The following JAKMIP2 variants were observed in gnomAD, a reference collection of about 807,000 sequenced individuals.
JAKMIP2 encodes the protein janus kinase and microtubule-interacting protein 2.
JAKMIP2 carries 25 observed loss-of-function variants against 115.0 expected under a neutral mutation model. The observed-to-expected ratio is 0.22, with a 90% CI of 0.16 to 0.30. The LOEUF (loss-of-function observed/expected upper bound fraction) is 0.30, where lower values mean the gene tolerates loss of function less well. Ranked by LOEUF, JAKMIP2 falls within the 10% of genes least tolerant of loss-of-function variation. JAKMIP2 has a pLI of 1.00. For missense variants in JAKMIP2, 642 were observed against 957.6 expected (o/e 0.67, Z 4.35); for synonymous variants, 334 against 343.6 (o/e 0.97, Z 0.31).
chr5:147,714,690 T>C (rs1752903524), intron 1 of JAKMIP2, among the ~76,000 whole-genome samples: 1 of 152,136 alleles, frequency 6.6e-6, no homozygotes, highest in African/African-American at 2.4e-5. Context: ...GAAAAATAGA[T>C]GACTGGCCTA....
At chr5:147,667,243 C>T (rs1343350934) in intron 2 of JAKMIP2, among the ~76,000 whole-genome samples, 2 of 151,986 alleles carry the variant, frequency 1.3e-5, no homozygotes, top group Non-Finnish European at 2.9e-5. Flanking sequence ...ATCCTTTCTA[C>T]CCTAGAGGTT....
chr5:147,644,165 T>A lies in JAKMIP2; in HGVS notation c.1117A>T (p.Lys373Ter). ...EKITSHPPLK[K>*]LKSLNDLDQA... ...TCGAGGTCATTCAGAGATTTTAATT[T>A]CTTCAGGGGTGGATGGGATGTTATT... Residue 373 changes from lysine (K) to a stop codon, truncating the protein, a stop_gained, in exon 7 of 22, where the codon AAA (lysine) becomes TAA (stop). Transcript: ENST00000616793. LOFTEE classifies it high-confidence loss of function. 6.2e-7 allele frequency: 1 copy of A among 1,600,006 alleles called. No homozygotes were observed. The highest frequency in any genetic ancestry group is 8.5e-7 in the Non-Finnish European group (1 of 1,169,890).
chr5:147,716,625 T>C (rs1177404756), intron 1 of JAKMIP2, among the ~76,000 whole-genome samples: 1 of 151,780 alleles, frequency 6.6e-6, no homozygotes, highest in Non-Finnish European at 1.5e-5. Flanking sequence ...ATGTGTTTTT[T>C]GGCTGCATAA....
At chr5:147,778,394 C>G (rs924940871) in intron 1 of JAKMIP2, among the ~76,000 whole-genome samples, 5 of 151,806 alleles carry the variant, frequency 3.3e-5, no homozygotes, top group African/African-American at 1.2e-4. Flanking sequence ...ATTTTGGTAC[C>G]TGAAATATTC....
At chr5:147,772,597 A>G (rs1755402184) in intron 1 of JAKMIP2, among the ~76,000 whole-genome samples, 1 of 151,902 alleles carries the variant, frequency 6.6e-6, no homozygotes, top group African/African-American at 2.4e-5. Flanking sequence ...GAAATGTCAA[A>G]ATTATAAAAT....
intron 20 of JAKMIP2, among the ~76,000 whole-genome samples, chr5:147,608,124 GCT>G (rs1756126371): frequency 6.6e-6 from 1 of 152,074 alleles, no homozygotes; most frequent in Admixed American, 6.6e-5. Flanking sequence ...CAAAAAACCA[GCT>G]CCTGGATTCA....
At chr5:147,596,962 C>T (rs565944618) in intron 21 of JAKMIP2, among the ~76,000 whole-genome samples, 7 of 152,106 alleles carry the variant, frequency 4.6e-5, no homozygotes, top group African/African-American at 1.4e-4. Flanking sequence ...GCCTCTGCCT[C>T]CTGGGTTCTA....
chr5:147,723,116 G>T (rs1023383917), intron 1 of JAKMIP2, among the ~76,000 whole-genome samples: 1 of 152,158 alleles, frequency 6.6e-6, no homozygotes, highest in South Asian at 2.1e-4. Context: ...CACTAGTAGG[G>T]TTGGCTTTCC....
rs200142710 is a variant in JAKMIP2, at chr5:147,644,883, T to A, written c.1050A>T (p.Lys350Asn). Residue 350 changes from lysine to asparagine, a missense_variant, in exon 6 of 22, where the codon AAA becomes AAT. Transcript: ENST00000616793. ...AATTTTCCTTGGTAACGGCTTTTAGTTTTTCTTCCATGCGCTGCAAGGACA... is the reference window on the plus strand; with the variant it reads ...AATTTTCCTTGGTAACGGCTTTTAGATTTTCTTCCATGCGCTGCAAGGACA... Reference protein sequence around the residue: ...LMVSLQRMEEKLKAVTKENSE... With the variant: ...LMVSLQRMEENLKAVTKENSE... 3.3e-4 allele frequency: 535 copies of A among 1,613,742 alleles called. No homozygotes were observed. The highest frequency in any genetic ancestry group is 4.2e-4 in the Non-Finnish European group (501 of 1,179,888).
intron 17 of JAKMIP2, among the ~76,000 whole-genome samples, chr5:147,622,209 TAAC>T (rs1460588250): frequency 6.6e-6 from 1 of 152,246 alleles, no homozygotes; most frequent in Admixed American, 6.5e-5. Flanking sequence ...AAGTTAATAA[TAAC>T]CAATTTTTAG....
intron 1 of JAKMIP2, among the ~76,000 whole-genome samples, chr5:147,772,064 A>G (rs1051229357): frequency 6.6e-6 from 1 of 152,116 alleles, no homozygotes; most frequent in Non-Finnish European, 1.5e-5. Flanking sequence ...TAAGATATAC[A>G]TATTAATATA....
intron 21 of JAKMIP2, among the ~76,000 whole-genome samples, chr5:147,595,702 A>C (rs1307398406): frequency 6.6e-6 from 1 of 152,224 alleles, no homozygotes; most frequent in African/African-American, 2.4e-5. Context: ...TTGAACTGTA[A>C]AGCAAGTTGT....
chr5:147,749,865 A>T (rs146320903), intron 1 of JAKMIP2, among the ~76,000 whole-genome samples: 201 of 152,240 alleles, frequency 1.3e-3, no homozygotes, highest in Middle Eastern at 3.4e-3. Flanking sequence ...AATTGGATTG[A>T]GCTGATTATC....
chr5:147,693,525 G>A (rs551653480), intron 1 of JAKMIP2, among the ~76,000 whole-genome samples: 66 of 152,152 alleles, frequency 4.3e-4, no homozygotes, highest in Non-Finnish European at 8.4e-4. Flanking sequence ...AACAAAATAG[G>A]TGAGTGATGT....
intron 1 of JAKMIP2, among the ~76,000 whole-genome samples, chr5:147,750,469 A>C (rs1463082786): frequency 6.6e-6 from 1 of 152,018 alleles, no homozygotes; most frequent in Non-Finnish European, 1.5e-5. Flanking sequence ...GAGCTGCAAG[A>C]TTAAGACTGA....
In JAKMIP2 at chr5:147,636,207, T is replaced by C; in HGVS notation, c.1677+15A>G. ...TTTTCTCCTCTGCCCCGCTAGGGTG[T>C]TGTGCCCAACATACCTTTTCTAAAA... On this transcript the variant is annotated intron_variant, in intron 12 of 21. Coordinates refer to ENST00000616793, the MANE Select transcript of JAKMIP2 (RefSeq NM_001270941.2). The C allele has an allele frequency of 6.2e-7, 1 of 1,608,758 alleles. No homozygotes were observed. Among genetic ancestry groups the C allele is most frequent in the Non-Finnish European group, 8.5e-7 (1 of 1,175,144 alleles).
At chr5:147,757,731 C>T (rs553197029) in intron 1 of JAKMIP2, among the ~76,000 whole-genome samples, 1 of 152,088 alleles carries the variant, frequency 6.6e-6, no homozygotes, top group African/African-American at 2.4e-5. Context: ...GAATTTAACA[C>T]ATATTAATTG....
chr5:147,661,461 C>G lies in JAKMIP2; in HGVS notation c.130-16G>C. ...GCTTTGATACCTAAAAACAGAGAGG[C>G]GAAATGATGAAGAGAAATGAGCCTC... is the stretch of plus-strand genomic sequence containing the variant. On this transcript the variant is annotated splice_polypyrimidine_tract_variant and intron_variant, in intron 2 of 21. Coordinates refer to ENST00000616793, the MANE Select transcript of JAKMIP2 (RefSeq NM_001270941.2). The G allele has an allele frequency of 3.1e-6, 5 of 1,598,558 alleles. No homozygotes were observed. The highest frequency in any genetic ancestry group is 4.3e-6 in the Non-Finnish European group (5 of 1,172,800).
chr5:147,667,204 C>T (rs1759346787), intron 2 of JAKMIP2, among the ~76,000 whole-genome samples: 1 of 151,858 alleles, frequency 6.6e-6, no homozygotes, highest in Non-Finnish European at 1.5e-5. Flanking sequence ...GGAGAGCACT[C>T]GGTAGGGCTT....
Sources: gnomAD v4.1 joint callset for allele counts (sites outside exome capture counted in the v4.1 genomes callset) on GRCh38, gnomAD v4.1.1 for gene constraint, MANE v1.5 for transcripts, NCBI Gene and HGNC (gene_info 2026-07-23, HGNC 2026-07-21) for gene names.